THSD4: variants seen among roughly 807,000 people sequenced by gnomAD.
THSD4 encodes the protein thrombospondin type-1 domain-containing protein 4.
In THSD4, 69 loss-of-function variants were observed where a neutral mutation model predicts 119.0. The observed-to-expected ratio is 0.58, with a 90% CI of 0.48 to 0.71. The LOEUF is 0.71. THSD4 is among the 30% of genes least tolerant of loss of function. THSD4 has a pLI of 0.00. For synonymous variants in THSD4, 524 were observed against 540.4 expected (o/e 0.97, Z 0.42); for missense variants, 1,393 against 1,391.1 (o/e 1.00, Z -0.02).
intron 1 of THSD4, among the ~76,000 whole-genome samples, chr15:71,118,969 C>G (rs1161659330): frequency 6.6e-6 from 1 of 152,182 alleles, no homozygotes; most frequent in African/African-American, 2.4e-5. Flanking sequence ...TCTTTTCCTC[C>G]TCCTGTCAAA....
chr15:71,772,487 A>G (rs1016384145), intron 17 of THSD4, among the ~76,000 whole-genome samples: 1 of 152,256 alleles, frequency 6.6e-6, no homozygotes, highest in Non-Finnish European at 1.5e-5. Flanking sequence ...GTGAATAGAT[A>G]GAAACATTAA....
At chr15:71,410,461 A>C (rs1183352597) in intron 6 of THSD4, among the ~76,000 whole-genome samples, 2 of 152,200 alleles carry the variant, frequency 1.3e-5, no homozygotes, top group Admixed American at 1.3e-4. Flanking sequence ...TGAGGGAAGG[A>C]ACAGTTAAGC....
At chr15:71,538,672 A>G (rs1187094864) in intron 7 of THSD4, among the ~76,000 whole-genome samples, 1 of 152,250 alleles carries the variant, frequency 6.6e-6, no homozygotes, top group African/African-American at 2.4e-5. Context: ...TTCCTAATTC[A>G]TAAGTCTGGG....
At chr15:71,668,339 G>A (rs1319875518) in intron 8 of THSD4, among the ~76,000 whole-genome samples, 1 of 152,258 alleles carries the variant, frequency 6.6e-6, no homozygotes, top group East Asian at 1.9e-4. Context: ...AAGCAGATGG[G>A]AGGATGTTCA....
intron 7 of THSD4, among the ~76,000 whole-genome samples, chr15:71,618,270 T>A (rs1258001757): frequency 6.6e-6 from 1 of 152,160 alleles, no homozygotes; most frequent in African/African-American, 2.4e-5. Context: ...CTAGTAAAAT[T>A]GAAAATGCAC....
rs916678008 is a variant in THSD4 at position 71,770,484 on chromosome 15, G to A, written c.2770-580G>A. Among the ~76,000 whole-genome samples the A allele has an allele frequency of 7.3e-5, 11 of 151,672 alleles. No homozygotes were observed. The East Asian group carries it at 1.6e-3, about 22-fold the overall frequency. ...AGCCTAGGCAACATGGCGAAACCCC[G>A]TCTCTACTAAAAATACAAAACTTAG... On this transcript the variant is annotated intron_variant, in intron 16 of 17. Coordinates refer to ENST00000261862, the MANE Select transcript of THSD4 (RefSeq NM_024817.3).
chr15:71,190,049 C>T (rs978129105), intron 3 of THSD4, among the ~76,000 whole-genome samples: 4 of 152,126 alleles, frequency 2.6e-5, no homozygotes, highest in African/African-American at 9.7e-5. Flanking sequence ...AGAGCTAGAC[C>T]CGGGATGGCT....
At chr15:71,629,267 GA>G (rs2050570383) in intron 7 of THSD4, among the ~76,000 whole-genome samples, 2 of 152,160 alleles carry the variant, frequency 1.3e-5, no homozygotes, top group Non-Finnish European at 1.5e-5. Flanking sequence ...CTGGACAACT[GA>G]CAGCCTTCAG....
intron 6 of THSD4, among the ~76,000 whole-genome samples, chr15:71,331,213 GA>G (rs1827265866): frequency 6.6e-6 from 1 of 152,218 alleles, no homozygotes; most frequent in African/African-American, 2.4e-5. Flanking sequence ...GATGGTGACA[GA>G]GGGGCGGCTG....
intron 7 of THSD4, among the ~76,000 whole-genome samples, chr15:71,524,092 C>T (rs543917346): frequency 3.3e-5 from 5 of 152,282 alleles, no homozygotes; most frequent in African/African-American, 1.2e-4. Flanking sequence ...GGTCCACACA[C>T]CTCTGAAAAA....
At chr15:71,258,898 G>A (rs988686446) in intron 6 of THSD4, among the ~76,000 whole-genome samples, 1 of 152,178 alleles carries the variant, frequency 6.6e-6, no homozygotes, top group Admixed American at 6.5e-5. Flanking sequence ...TGGATCACCT[G>A]AGGTCGGGAG....
At chr15:71,228,827 A>G (rs1297539716) in intron 4 of THSD4, among the ~76,000 whole-genome samples, 1 of 152,136 alleles carries the variant, frequency 6.6e-6, no homozygotes, top group Non-Finnish European at 1.5e-5. Flanking sequence ...AGCACACAAT[A>G]TATTTTATCT....
chr15:71,313,498 C>T (rs1010948563), intron 6 of THSD4, among the ~76,000 whole-genome samples: 2 of 151,992 alleles, frequency 1.3e-5, no homozygotes, highest in African/African-American at 2.4e-5. Context: ...GAGGGAGGGT[C>T]GGGGGAGAGC....
At chr15:71,189,396 T>C (rs2043646986) in intron 3 of THSD4, among the ~76,000 whole-genome samples, 1 of 152,114 alleles carries the variant, frequency 6.6e-6, no homozygotes, top group Admixed American at 6.5e-5. Flanking sequence ...TCTGGCTGGG[T>C]GCGGTGGCTC....
rs1272356399 is a variant in THSD4, at chr15:71,578,641, GTA to G, written c.1153-81886_1153-81885del. Among the ~76,000 whole-genome samples, 4 of 151,802 alleles carry G rather than the reference GTA, an allele frequency of 2.6e-5. No individual in the cohort carries two copies. In the East Asian group the frequency reaches 7.8e-4, roughly 30 times the overall value. On this transcript the variant is annotated intron_variant, in intron 7 of 17. Transcript: ENST00000261862. ...CGTAAGCCACCACGCCCAGCCTATA[GTA>G]TACTCTTAAGTGTACTCTTCTTAAG...
At chr15:71,153,893 A>G (rs1386098449) in intron 2 of THSD4, among the ~76,000 whole-genome samples, 2 of 152,188 alleles carry the variant, frequency 1.3e-5, no homozygotes, top group Non-Finnish European at 2.9e-5. Flanking sequence ...CATTTAAATT[A>G]ATTGACAATA....
At chr15:71,424,562 C>A (rs1400755497) in intron 7 of THSD4, among the ~76,000 whole-genome samples, 2 of 152,144 alleles carry the variant, frequency 1.3e-5, no homozygotes, top group Non-Finnish European at 2.9e-5. Context: ...CACCCCAACC[C>A]CTTTCTCCAG....
Position 71,737,983 on chromosome 15 carries a change from G to A in THSD4, c.1882G>A (p.Glu628Lys). Residue 628 changes from glutamate (E) to lysine (K), a missense_variant, in exon 11 of 18, where the codon GAA (glutamate) becomes AAA (lysine). Physicochemically the swap from Glu to Lys is moderately conservative, Grantham distance 56. Coordinates refer to ENST00000261862, the MANE Select transcript of THSD4 (RefSeq NM_024817.3). ...CAACTGGAAGCAGCTTGGGACAACA[G>A]AATGTTCCACGACCTGTGGGAAAGG... ...DHNWKQLGTT[E>K]CSTTCGKGSQ... The A allele has an allele frequency of 6.2e-7, 1 of 1,613,826 alleles. No homozygotes were observed. Among genetic ancestry groups the A allele is most frequent in the Non-Finnish European group, 8.5e-7 (1 of 1,179,792 alleles).
intron 7 of THSD4, among the ~76,000 whole-genome samples, chr15:71,560,822 A>T (rs2049100439): frequency 6.6e-6 from 1 of 152,182 alleles, no homozygotes; most frequent in African/African-American, 2.4e-5. Flanking sequence ...AACTACAAAC[A>T]CATATCATAA....
Sources: gnomAD v4.1 joint callset for allele counts (sites outside exome capture counted in the v4.1 genomes callset) on GRCh38, gnomAD v4.1.1 for gene constraint, MANE v1.5 for transcripts, NCBI Gene and HGNC (gene_info 2026-07-23, HGNC 2026-07-21) for gene names.